WASHC5: variants seen among roughly 807,000 people sequenced by gnomAD.
WASHC5 encodes the protein WASH complex subunit strumpellin.
A neutral mutation model predicts 150.4 loss-of-function variants in WASHC5; 101 were observed. That is an observed-to-expected ratio of 0.67 (90% CI 0.57 to 0.79). The LOEUF (loss-of-function observed/expected upper bound fraction) is 0.79, where lower values mean the gene tolerates loss of function less well. Among genes scored for constraint, WASHC5 ranks in the 30% least tolerant of loss-of-function variants. The probability of loss-of-function intolerance (pLI) is 0.00; values close to 1 mark genes in which losing one functional copy is unlikely to be tolerated. For synonymous variants in WASHC5, 467 were observed against 491.2 expected, an observed-to-expected ratio of 0.95 and a Z score of 0.65; for missense variants, 1,195 against 1,396.3, an observed-to-expected ratio of 0.86 and a Z score of 2.30.
intron 27 of WASHC5, among the ~76,000 whole-genome samples, chr8:125,029,030 C>CTT (rs574526697): frequency 4.1e-5 from 5 of 122,846 alleles, no homozygotes; most frequent in South Asian, 2.8e-4. Flanking sequence ...TCCCTGCACA[C>CTT]TTTTTTTTTT....
At chr8:125,056,537 G>A (rs928808371) in intron 16 of WASHC5, 140 bp downstream of exon 16, 87 of 939,184 alleles carry the variant, frequency 9.3e-5, no homozygotes, top group Non-Finnish European at 1.3e-4. Flanking sequence ...ATCATAAAAC[G>A]CGTTTACCAT....
In WASHC5 at chr8:125,083,204, C is replaced by T. The variant is rs1208411122; in HGVS notation, c.241G>A (p.Asp81Asn). ...LDAKPELQDL[D>N]EEFRENNIEI... ...ATGTTGTTTTCACGAAATTCTTCAT[C>T]TAAATCCTGTAGCTCTGGCTTAGCA... The change falls in exon 3 of 29, where the codon GAT (aspartate) becomes AAT (asparagine). Residue 81 changes from aspartate to asparagine, a missense_variant. Asp to Asn is a conservative substitution (Grantham distance 23). Coordinates refer to ENST00000318410, the MANE Select transcript of WASHC5 (RefSeq NM_014846.4). 6 of 1,612,182 alleles carry T rather than the reference C, an allele frequency of 3.7e-6. No individual in the cohort carries two copies. In the South Asian group the frequency reaches 5.5e-5, roughly 15 times the overall value.
intron 8 of WASHC5, among the ~76,000 whole-genome samples, chr8:125,074,533 C>T (rs1031067555): frequency 6.6e-6 from 1 of 152,092 alleles, no homozygotes; most frequent in Non-Finnish European, 1.5e-5. Context: ...AACCGTTTAA[C>T]CTTTAAGATG....
intron 28 of WASHC5, among the ~76,000 whole-genome samples, chr8:125,025,252 G>GT (rs1348408026): frequency 4.2e-5 from 6 of 143,958 alleles, no homozygotes; most frequent in Non-Finnish European, 8.9e-5. Context: ...TAGAAGCAGT[G>GT]TTTAATTTTT....
chr8:125,072,097 T>C (rs149125492), intron 9 of WASHC5, among the ~76,000 whole-genome samples: 53 of 152,036 alleles, frequency 3.5e-4, no homozygotes, highest in African/African-American at 1.3e-3. Context: ...TCCTAGCACT[T>C]TGGGAGGCCG....
At chr8:125,076,561 C>A in intron 6 of WASHC5, 61 bp from the exon 7 acceptor site, 1 of 1,586,196 alleles carries the variant, frequency 6.3e-7, no homozygotes. Context: ...TAGACATGCT[C>A]AAATTAAACT....
At chr8:125,069,513 A>AT (rs1372439347) in intron 9 of WASHC5, among the ~76,000 whole-genome samples, 2 of 152,182 alleles carry the variant, frequency 1.3e-5, no homozygotes, top group Non-Finnish European at 2.9e-5. Context: ...GCCCCCATCA[A>AT]TATCTCAGGA....
At chr8:125,076,285 A>T (rs1817057357) in intron 7 of WASHC5, 63 bp downstream of exon 7, 1 of 1,528,988 alleles carries the variant, frequency 6.5e-7, no homozygotes, top group African/African-American at 1.4e-5. Flanking sequence ...TTAAAGGCCA[A>T]AAGAATGGGA....
chr8:125,082,600 G>A lies in WASHC5; in HGVS notation c.333-133C>T, dbSNP rs187488793. The A allele has an allele frequency of 3.6e-3, 2,366 of 661,586 alleles. 13 individuals are homozygous for A. The highest frequency in any genetic ancestry group is 5.1e-3 in the Non-Finnish European group (1,862 of 367,692). 41.0% of individuals were successfully genotyped at this position (661,586 alleles called of 1,614,324 possible). ...CTTCCACTAGTTCATGGTCCTTCAT[G>A]CTCTTAAGAATACAGTCTTATAAAC... On this transcript the variant is annotated intron_variant, in intron 3 of 28. Transcript: ENST00000318410.
In WASHC5 at chr8:125,063,661, C is replaced by G; in HGVS notation, c.1279-10G>C. ...GCATTTGCTTGAACATCTGTTGAAGCAACAGAAAATATTTATTTACTTAAG... is the reference window on the plus strand; with the variant it reads ...GCATTTGCTTGAACATCTGTTGAAGGAACAGAAAATATTTATTTACTTAAG... On this transcript the variant is annotated splice_polypyrimidine_tract_variant and intron_variant, in intron 10 of 28. Transcript: ENST00000318410. The G allele has an allele frequency of 6.2e-7, 1 of 1,612,756 alleles. No individual in the cohort carries two copies. Among genetic ancestry groups the G allele is most frequent in the Non-Finnish European group, 8.5e-7 (1 of 1,179,110 alleles).
chr8:125,047,100 C>G, intron 20 of WASHC5, 107 bp downstream of exon 20: 1 of 1,357,124 alleles, frequency 7.4e-7, no homozygotes. Context: ...TATGAGTTGA[C>G]AAGTGCAGGA....
intron 20 of WASHC5, 37 bp from the exon 21 acceptor site, chr8:125,044,735 C>G (rs778037082): frequency 6.2e-6 from 10 of 1,603,770 alleles, no homozygotes. Context: ...CAGAATGGCT[C>G]AGAATTCATC....
chr8:125,025,786 G>A (rs1463369914), intron 28 of WASHC5, among the ~76,000 whole-genome samples: 1 of 150,658 alleles, frequency 6.6e-6, no homozygotes, highest in Non-Finnish European at 1.5e-5. Context: ...AATAAAAACT[G>A]GCAACTTTTG....
At chr8:125,079,179 T>A (rs28447527) in intron 5 of WASHC5, among the ~76,000 whole-genome samples, 1 of 126,496 alleles carries the variant, frequency 7.9e-6, no homozygotes, top group African/African-American at 3.6e-5. Flanking sequence ...TGTATGTATA[T>A]ATAACCTTTT....
At chr8:125,029,471 T>C (rs1815465625) in intron 27 of WASHC5, among the ~76,000 whole-genome samples, 2 of 152,214 alleles carry the variant, frequency 1.3e-5, no homozygotes, top group Admixed American at 1.3e-4. Flanking sequence ...TTTTCAATGG[T>C]GTGCTGGGTT....
chr8:125,044,352 C>T, intron 21 of WASHC5, 184 bp downstream of exon 21: 2 of 717,494 alleles, frequency 2.8e-6, no homozygotes, highest in Non-Finnish European at 4.8e-6. Context: ...CCTAAAAGTA[C>T]TATGCTGGCC....
Position 125,076,430 on chromosome 8 carries a change from A to T in WASHC5, c.782T>A (p.Ile261Asn), listed in dbSNP as rs1351830305. 6.2e-7 allele frequency: 1 copy of T among 1,614,052 alleles called. No individual in the cohort carries two copies. ...LANQAAMLYV[I>N]LYFEPSILHT... Reference sequence around the variant, plus strand: ...AAGGATGGAAGGCTCAAAGTAGAGAATCACGTACAGCATGGCAGCTTGGTT... The same window carrying T: ...AAGGATGGAAGGCTCAAAGTAGAGATTCACGTACAGCATGGCAGCTTGGTT... The change falls in exon 7 of 29, where the codon ATT becomes AAT. Residue 261 changes from isoleucine (I) to asparagine (N), a missense_variant. By Grantham distance (149) the Ile-to-Asn change is moderately radical. Transcript: ENST00000318410.
intron 11 of WASHC5, among the ~76,000 whole-genome samples, chr8:125,062,234 C>G (rs1398376031): frequency 6.6e-6 from 1 of 152,110 alleles, no homozygotes; most frequent in Non-Finnish European, 1.5e-5. Flanking sequence ...CAAATGATTA[C>G]ATTTTTAAGC....
intron 5 of WASHC5, among the ~76,000 whole-genome samples, chr8:125,080,551 C>A (rs1243700212): frequency 2.0e-5 from 3 of 152,168 alleles, no homozygotes; most frequent in Admixed American, 2.0e-4. Context: ...CTACTTTGTC[C>A]TAATTTTTAA....
Sources: allele counts gnomAD v4.1 joint callset (sites outside exome capture counted in the v4.1 genomes callset), GRCh38; gene constraint gnomAD v4.1.1; transcripts MANE v1.5; gene names NCBI Gene and HGNC (gene_info 2026-07-23, HGNC 2026-07-21).